Variants in ABCA13 observed in about 807,000 individuals in gnomAD.
ABCA13 encodes ATP binding cassette subfamily A member 13.
Under a neutral mutation model 478.7 loss-of-function variants are expected in ABCA13, and 476 were observed. That is an observed-to-expected ratio of 0.99 (90% CI 0.92 to 1.07). The LOEUF is 1.07. Ranked by LOEUF, ABCA13 falls within the 50% of genes least tolerant of loss-of-function variation. ABCA13 has a pLI of 0.00. For missense variants in ABCA13, 6,060 were observed against 5,910.6 expected (o/e 1.03, Z -0.83); for synonymous variants, 2,252 against 2,158.9 (o/e 1.04, Z -1.20).
At chr7:48,419,717 A>G (rs1820488768) in intron 41 of ABCA13, among the ~76,000 whole-genome samples, 1 of 152,200 alleles carries the variant, frequency 6.6e-6, no homozygotes, top group South Asian at 2.1e-4. Flanking sequence ...TACTTTCTAC[A>G]TTTAGTATGT....
intron 16 of ABCA13, among the ~76,000 whole-genome samples, chr7:48,271,158 T>C (rs1562924621): frequency 6.6e-6 from 1 of 152,222 alleles, no homozygotes; most frequent in East Asian, 1.9e-4. Context: ...AGTGGACTTG[T>C]AAGTTCTGAG....
rs960814977 is a variant in ABCA13, at chr7:48,265,409, G to A, written c.2006-3571G>A. 2.8e-4 allele frequency among the ~76,000 whole-genome samples: 43 copies of A among 151,412 alleles called. 2 individuals are homozygous for A. The highest frequency in any genetic ancestry group is 9.9e-4 in the African/African-American group (41 of 41,374). On this transcript the variant is annotated intron_variant, in intron 15 of 61. Coordinates refer to ENST00000435803, the MANE Select transcript of ABCA13 (RefSeq NM_152701.5). Reference sequence around the variant, plus strand: ...CTTTTTAATTATTTTCAATGTTCTAGCTCATGGTATATCTCTCCATTTATT... The same window carrying A: ...CTTTTTAATTATTTTCAATGTTCTAACTCATGGTATATCTCTCCATTTATT...
At chr7:48,323,331 G>T (rs1239968627) in intron 27 of ABCA13, among the ~76,000 whole-genome samples, 1 of 152,196 alleles carries the variant, frequency 6.6e-6, no homozygotes, top group Non-Finnish European at 1.5e-5. Flanking sequence ...ATAAGTTAAA[G>T]AATAATAATT....
At chr7:48,634,443 A>G (rs747319766) in intron 59 of ABCA13, among the ~76,000 whole-genome samples, 2 of 152,188 alleles carry the variant, frequency 1.3e-5, no homozygotes, top group Non-Finnish European at 2.9e-5. Flanking sequence ...TAAGGTCAGC[A>G]GTAATGCTTT....
chr7:48,424,014 A>T (rs1189899068), intron 41 of ABCA13, among the ~76,000 whole-genome samples: 1 of 152,208 alleles, frequency 6.6e-6, no homozygotes, highest in Non-Finnish European at 1.5e-5. Context: ...GCCTATATTC[A>T]GTTACAATGA....
At chr7:48,217,326 G>T (rs1021654334) in intron 3 of ABCA13, among the ~76,000 whole-genome samples, 1 of 152,100 alleles carries the variant, frequency 6.6e-6, no homozygotes, top group Non-Finnish European at 1.5e-5. Context: ...ATAACAATTT[G>T]CCCTGTTTGT....
At position 48,275,613 on chromosome 7, in the gene ABCA13, A is replaced by G; in HGVS notation, c.5947A>G (p.Ile1983Val). The G allele has an allele frequency of 6.2e-7, 1 of 1,609,824 alleles. No individual in the cohort carries two copies. Among genetic ancestry groups the G allele is most frequent in the South Asian group, 1.1e-5 (1 of 90,842 alleles). Reference sequence around the variant, plus strand: ...TGACAAACTAAGTAGTTTAAACAAGATCCTTAACATTAATGAAGACACAGA... The same window carrying G: ...TGACAAACTAAGTAGTTTAAACAAGGTCCTTAACATTAATGAAGACACAGA... The part of the protein sequence containing the change: ...ILDKLSSLNK[I>V]LNINEDTETS... The change falls in exon 17 of 62, where the codon ATC (isoleucine) becomes GTC (valine). Residue 1983 changes from isoleucine to valine, a missense_variant. By Grantham distance (29) the Ile-to-Val change is conservative. Around this residue, in one of 3 missense-constraint regions of ABCA13, gnomAD observed 4,423 missense variants for 4,309.1 expected, o/e 1.03. Coordinates refer to ENST00000435803, the MANE Select transcript of ABCA13 (RefSeq NM_152701.5).
At chr7:48,411,031 C>CTTTCTT (rs1282152349) in intron 40 of ABCA13, among the ~76,000 whole-genome samples, 3 of 115,892 alleles carry the variant, frequency 2.6e-5, no homozygotes, top group Admixed American at 9.4e-5. Context: ...TTCTTTCTTT[C>CTTTCTT]TTTCTTTCTT....
At chr7:48,633,154 A>G (rs967505744) in intron 59 of ABCA13, among the ~76,000 whole-genome samples, 1 of 152,206 alleles carries the variant, frequency 6.6e-6, no homozygotes, top group African/African-American at 2.4e-5. Flanking sequence ...AATAGGAAAA[A>G]TTTACCTGAT....
chr7:48,374,379 G>A lies in ABCA13; in HGVS notation c.11166G>A (p.Gly3722=), dbSNP rs1813133271. The A allele has an allele frequency of 1.2e-6, 2 of 1,609,928 alleles. No individual in the cohort carries two copies. The highest frequency in any genetic ancestry group is 1.7e-6 in the Non-Finnish European group (2 of 1,178,352). ...TTTCGACAACCGCCTTTGGACAAGG[G>A]GTATTTTTTATTACATTCCTGGAAG... ...CLLSTTAFGQ[G]VFFITFLEGQ... Residue 3722 remains glycine, a synonymous_variant, in exon 34 of 62, where the codon GGG becomes GGA. Coordinates refer to ENST00000435803, the MANE Select transcript of ABCA13 (RefSeq NM_152701.5).
chr7:48,446,984 T>A (rs1824390999), intron 42 of ABCA13, among the ~76,000 whole-genome samples: 1 of 152,222 alleles, frequency 6.6e-6, no homozygotes, highest in African/African-American at 2.4e-5. Flanking sequence ...CAGCAACTTC[T>A]GTCAGAAGCA....
intron 57 of ABCA13, among the ~76,000 whole-genome samples, chr7:48,593,217 T>C (rs1407685721): frequency 6.6e-6 from 1 of 151,532 alleles, no homozygotes; most frequent in Admixed American, 6.6e-5. Context: ...TGGTATGCTT[T>C]GATTCATTTC....
At chr7:48,429,902 T>G (rs146211727) in intron 42 of ABCA13, among the ~76,000 whole-genome samples, 3 of 152,334 alleles carry the variant, frequency 2.0e-5, no homozygotes, top group African/African-American at 7.2e-5. Context: ...CTGGGACAAA[T>G]TCTACCCGGT....
chr7:48,368,687 GTATATATATA>G (rs201820250), intron 32 of ABCA13, among the ~76,000 whole-genome samples: 203 of 122,746 alleles, frequency 1.7e-3, no homozygotes, highest in African/African-American at 5.4e-3. Flanking sequence ...GTGTGTATGT[GTATATATATA>G]TATATATATA....
At chr7:48,613,481 C>A (rs765883828) in intron 58 of ABCA13, among the ~76,000 whole-genome samples, 1 of 152,166 alleles carries the variant, frequency 6.6e-6, no homozygotes, top group African/African-American at 2.4e-5. Context: ...TGAGCCACCA[C>A]GCCTGGCTGG....
At chr7:48,334,935 T>C (rs916970278) in intron 27 of ABCA13, among the ~76,000 whole-genome samples, 7 of 152,250 alleles carry the variant, frequency 4.6e-5, no homozygotes, top group Non-Finnish European at 8.8e-5. Context: ...GCATTTGTTA[T>C]GGATCAGTGA....
intron 7 of ABCA13, among the ~76,000 whole-genome samples, chr7:48,233,010 G>A (rs1455022972): frequency 1.3e-5 from 2 of 152,136 alleles, no homozygotes; most frequent in Non-Finnish European, 2.9e-5. Context: ...TACAATAAAT[G>A]CTGGTTTTAA....
chr7:48,458,796 T>C (rs1825946152), intron 43 of ABCA13, among the ~76,000 whole-genome samples: 1 of 152,140 alleles, frequency 6.6e-6, no homozygotes, highest in African/African-American at 2.4e-5. Context: ...AACCTGGGGC[T>C]TTGGCAACTC....
Position 48,275,534 on chromosome 7 carries a change from A to T in ABCA13, c.5868A>T (p.Ile1956=). The T allele has an allele frequency of 6.2e-7, 1 of 1,613,868 alleles. No homozygotes were observed. Among genetic ancestry groups the T allele is most frequent in the Non-Finnish European group, 8.5e-7 (1 of 1,179,858 alleles). The change falls in exon 17 of 62, where the codon ATA becomes ATT. Residue 1956 remains isoleucine (I), a synonymous_variant. Coordinates refer to ENST00000435803, the MANE Select transcript of ABCA13 (RefSeq NM_152701.5). ...GSIKQVALQI[I]EKLKNVNFTK... is the part of the protein sequence containing the mutation. Reference sequence around the variant, plus strand: ...TAAAGCAAGTTGCTTTGCAAATCATAGAAAAACTTAAAAATGTCAACTTTA... The same window carrying T: ...TAAAGCAAGTTGCTTTGCAAATCATTGAAAAACTTAAAAATGTCAACTTTA...
Sources: allele counts gnomAD v4.1 joint callset (sites outside exome capture counted in the v4.1 genomes callset), GRCh38; gene constraint gnomAD v4.1.1; regional missense constraint gnomAD v4.1.1; transcripts MANE v1.5; gene names NCBI Gene and HGNC (gene_info 2026-07-23, HGNC 2026-07-21).